The following DPP10 variants were observed in gnomAD, a reference collection of about 807,000 sequenced individuals.
DPP10 encodes dipeptidyl peptidase like 10.
A neutral mutation model predicts 120.9 loss-of-function variants in DPP10; 33 were observed. The ratio of observed to expected loss-of-function variants is 0.27; its 90% CI spans 0.21 to 0.37. The LOEUF (loss-of-function observed/expected upper bound fraction) is 0.37, where lower values mean the gene tolerates loss of function less well. Among genes scored for constraint, DPP10 ranks in the 10% least tolerant of loss-of-function variants. DPP10 has a pLI of 1.00. For missense variants in DPP10, 816 were observed against 942.8 expected, an observed-to-expected ratio of 0.87 and a Z score of 1.76; for synonymous variants, 337 against 326.1, an observed-to-expected ratio of 1.03 and a Z score of -0.36.
chr2:115,218,335 A>G (rs891495332), intron 1 of DPP10, among the ~76,000 whole-genome samples: 4 of 152,136 alleles, frequency 2.6e-5, no homozygotes, highest in African/African-American at 9.7e-5. Flanking sequence ...CTCTTGTTAC[A>G]TATTTTTCCT....
At chr2:115,756,930 C>T (rs1165365857) in intron 11 of DPP10, among the ~76,000 whole-genome samples, 3 of 151,898 alleles carry the variant, frequency 2.0e-5, no homozygotes, top group East Asian at 3.9e-4. Flanking sequence ...TATAAGGAGC[C>T]CACTCCTGTG....
chr2:114,722,632 C>T (rs140774275), intron 1 of DPP10, among the ~76,000 whole-genome samples: 175 of 151,832 alleles, frequency 1.2e-3, no homozygotes, highest in African/African-American at 3.9e-3. Flanking sequence ...AAAAATTAGC[C>T]GGGCGTGGTG....
At chr2:115,495,815 G>A (rs1226117778) in intron 3 of DPP10, among the ~76,000 whole-genome samples, 1 of 152,136 alleles carries the variant, frequency 6.6e-6, no homozygotes, top group Admixed American at 6.6e-5. Flanking sequence ...TGAGTCGAAT[G>A]TGTGTTCAGA....
At chr2:115,520,850 A>G (rs1001439667) in intron 4 of DPP10, among the ~76,000 whole-genome samples, 1 of 152,140 alleles carries the variant, frequency 6.6e-6, no homozygotes, top group African/African-American at 2.4e-5. Context: ...TTCTACCTCT[A>G]GTTATAATGT....
chr2:114,973,979 T>A (rs1209048789), intron 1 of DPP10, among the ~76,000 whole-genome samples: 1 of 152,206 alleles, frequency 6.6e-6, no homozygotes, highest in Non-Finnish European at 1.5e-5. Flanking sequence ...AAGATATTTT[T>A]GTACAGCTGT....
Position 115,286,711 on chromosome 2 carries a change from TTA to T in DPP10, c.61-22524_61-22523del, listed in dbSNP as rs555026615. Among the ~76,000 whole-genome samples, 31 of 150,568 alleles carry T rather than the reference TTA, an allele frequency of 2.1e-4. No homozygotes were observed. In the South Asian group the frequency reaches 6.5e-3, roughly 32 times the overall value. ...ATAGACAAGGAAGAAAATTTTATTGTTATATCTTTCCTTATTGAAATTGCTCA... is the reference window on the plus strand; with the variant it reads ...ATAGACAAGGAAGAAAATTTTATTGTTATCTTTCCTTATTGAAATTGCTCA... On this transcript the variant is annotated intron_variant, in intron 1 of 25. Transcript: ENST00000410059.
At chr2:115,203,609 C>T (rs566819249) in intron 1 of DPP10, among the ~76,000 whole-genome samples, 18 of 151,764 alleles carry the variant, frequency 1.2e-4, no homozygotes, top group African/African-American at 4.1e-4. Context: ...TTTTCTACCT[C>T]AGGAAAATTA....
chr2:115,370,229 G>C (rs901559131), intron 3 of DPP10, among the ~76,000 whole-genome samples: 1 of 152,100 alleles, frequency 6.6e-6, no homozygotes, highest in Non-Finnish European at 1.5e-5. Flanking sequence ...AAAATTGAGA[G>C]CTTGTTTATA....
chr2:115,734,910 A>C (rs2092999318), intron 8 of DPP10, among the ~76,000 whole-genome samples: 1 of 152,146 alleles, frequency 6.6e-6, no homozygotes, highest in Non-Finnish European at 1.5e-5. Flanking sequence ...ATCATGAACA[A>C]GGTAAATGCC....
At chr2:115,335,859 A>G (rs1264359643) in intron 2 of DPP10, among the ~76,000 whole-genome samples, 3 of 152,072 alleles carry the variant, frequency 2.0e-5, no homozygotes, top group Non-Finnish European at 4.4e-5. Flanking sequence ...CTGGGAATGG[A>G]GATGGTGGTA....
At chr2:114,463,846 C>A (rs56141587) in intron 1 of DPP10, among the ~76,000 whole-genome samples, 1 of 152,168 alleles carries the variant, frequency 6.6e-6, no homozygotes, top group Non-Finnish European at 1.5e-5. Flanking sequence ...AGTTTTCTGT[C>A]CATGTATTTC....
At chr2:115,373,634 A>G (rs988489928) in intron 3 of DPP10, among the ~76,000 whole-genome samples, 2 of 152,124 alleles carry the variant, frequency 1.3e-5, no homozygotes, top group Non-Finnish European at 2.9e-5. Flanking sequence ...CAATAGGAGT[A>G]GATAGTCCAT....
intron 1 of DPP10, among the ~76,000 whole-genome samples, chr2:115,011,362 G>C (rs912384532): frequency 2.0e-5 from 3 of 152,172 alleles, no homozygotes; most frequent in African/African-American, 7.2e-5. Flanking sequence ...CAGTCATTGA[G>C]ACATGAATCT....
At chr2:114,965,281 C>A (rs1010889222) in intron 1 of DPP10, among the ~76,000 whole-genome samples, 5 of 151,970 alleles carry the variant, frequency 3.3e-5, no homozygotes, top group Non-Finnish European at 4.4e-5. Flanking sequence ...GGATTACAGG[C>A]GTGTGCCACC....
chr2:115,046,786 TA>T lies in DPP10; in HGVS notation c.61-262452del, dbSNP rs200196844. 7.1e-3 allele frequency among the ~76,000 whole-genome samples: 1,081 copies of T among 152,192 alleles called. 15 individuals carry two copies. The highest frequency in any genetic ancestry group is 0.011 in the Non-Finnish European group (755 of 67,952). On this transcript the variant is annotated intron_variant, in intron 1 of 25. Transcript: ENST00000410059. ...TTGTTAAATAATTTATTAATAATAT[TA>T]TTTTTCAGTTCTTTTCATTCTTTGC...
chr2:115,039,938 A>G (rs191585620), intron 1 of DPP10, among the ~76,000 whole-genome samples: 188 of 151,994 alleles, frequency 1.2e-3, no homozygotes, highest in Non-Finnish European at 2.1e-3. Flanking sequence ...CTCACCTTAC[A>G]TGGCCCATAC....
intron 1 of DPP10, among the ~76,000 whole-genome samples, chr2:115,145,540 T>G (rs530074232): frequency 1.3e-5 from 2 of 152,224 alleles, no homozygotes; most frequent in African/African-American, 4.8e-5. Flanking sequence ...ACTTTATTCA[T>G]CCATTCATCT....
At chr2:114,860,472 T>G (rs1257830386) in intron 1 of DPP10, among the ~76,000 whole-genome samples, 1 of 152,228 alleles carries the variant, frequency 6.6e-6, no homozygotes, top group African/African-American at 2.4e-5. Flanking sequence ...TTTACTTGAA[T>G]GATTTGTAAT....
At chr2:114,541,077 C>A (rs1195006426) in intron 1 of DPP10, among the ~76,000 whole-genome samples, 5 of 152,280 alleles carry the variant, frequency 3.3e-5, no homozygotes, top group African/African-American at 1.2e-4. Context: ...GAACTCATAA[C>A]TTTCTTGAGG....
Sources: allele counts gnomAD v4.1 joint callset (sites outside exome capture counted in the v4.1 genomes callset), GRCh38; gene constraint gnomAD v4.1.1; transcripts MANE v1.5; gene names NCBI Gene and HGNC (gene_info 2026-07-23, HGNC 2026-07-21).